SEM1: variants seen among roughly 807,000 people sequenced by gnomAD.
SEM1 encodes 26S proteasome complex subunit SEM1.
Under a neutral mutation model 12.7 loss-of-function variants are expected in SEM1, and 3 were observed. That is an observed-to-expected ratio of 0.24 (90% CI 0.11 to 0.61). The LOEUF is 0.61. Ranked by LOEUF, SEM1 falls within the 20% of genes least tolerant of loss-of-function variation. The probability of loss-of-function intolerance (pLI) is 0.88; values close to 1 mark genes in which losing one functional copy is unlikely to be tolerated. For synonymous variants in SEM1, 30 were observed against 27.8 expected (o/e 1.08, Z -0.25); for missense variants, 59 against 81.3 (o/e 0.73, Z 1.06).
At chr7:96,525,977 G>A (rs7784289) in intron 2 of SEM1, among the ~76,000 whole-genome samples, 47,564 of 151,912 alleles carry the variant, frequency 0.31, 8,678 homozygotes, top group East Asian at 0.67. Context: ...GCTGTAAAGT[G>A]CACAATGCAA....
intron 2 of SEM1, among the ~76,000 whole-genome samples, chr7:96,547,393 T>G (rs1267861125): frequency 6.6e-6 from 1 of 152,180 alleles, no homozygotes; most frequent in Non-Finnish European, 1.5e-5. Flanking sequence ...TAGAGTATTG[T>G]GGTCAGTTTA....
intron 2 of SEM1, among the ~76,000 whole-genome samples, chr7:96,570,136 C>T (rs1161485983): frequency 6.6e-6 from 1 of 151,386 alleles, no homozygotes; most frequent in Non-Finnish European, 1.5e-5. Flanking sequence ...ATCTGCATTC[C>T]CACCAAGAGA....
At chr7:96,699,983 A>G (rs1467141424) in intron 1 of SEM1, among the ~76,000 whole-genome samples, 2 of 152,338 alleles carry the variant, frequency 1.3e-5, no homozygotes, top group Middle Eastern at 3.4e-3. Flanking sequence ...ATTTGCTTCA[A>G]GACAGCCTCT....
intron 2 of SEM1, among the ~76,000 whole-genome samples, chr7:96,679,336 C>T (rs547917266): frequency 6.6e-6 from 1 of 152,064 alleles, no homozygotes; most frequent in Admixed American, 6.6e-5. Flanking sequence ...ATCCTATTAA[C>T]TTGGACCATG....
chr7:96,627,801 A>T (rs1324268271), intron 2 of SEM1, among the ~76,000 whole-genome samples: 1 of 152,058 alleles, frequency 6.6e-6, no homozygotes, highest in Non-Finnish European at 1.5e-5. Context: ...TATAGTAAAA[A>T]TTAAGTCCAA....
chr7:96,617,922 G>T (rs992826927), downstream of SEM1, among the ~76,000 whole-genome samples: 2 of 152,012 alleles, frequency 1.3e-5, no homozygotes, highest in Admixed American at 6.6e-5. Context: ...TGTTGGATTC[G>T]AATTGCTAGT....
At chr7:96,619,364 G>C (rs1042345647), downstream of SEM1, among the ~76,000 whole-genome samples, 17 of 152,100 alleles carry the variant, frequency 1.1e-4, no homozygotes, top group African/African-American at 4.1e-4. Context: ...GCGGTACACA[G>C]GATCAGTGGT....
chr7:96,615,741 G>A (rs1807698320), intron 2 of SEM1, among the ~76,000 whole-genome samples: 1 of 152,026 alleles, frequency 6.6e-6, no homozygotes, highest in Non-Finnish European at 1.5e-5. Context: ...TCCTCAACTC[G>A]CTCCCACCTT....
exon 2 of SEM1, chr7:96,486,280 A>T (rs573634768): frequency 6.5e-7 from 1 of 1,536,538 alleles, no homozygotes; most frequent in African/African-American, 1.4e-5. Context: ...CAAAGGCCGG[A>T]TGCTTACTCT....
chr7:96,504,219 T>C (rs7781370), intron 3 of SEM1, among the ~76,000 whole-genome samples: 109,264 of 151,952 alleles, frequency 0.72, 39,768 homozygotes, highest in East Asian at 0.87. Context: ...AAGTACAGTT[T>C]CTGGAATTTA....
At chr7:96,589,895 G>GA (rs1409341565) in intron 2 of SEM1, among the ~76,000 whole-genome samples, 1 of 152,124 alleles carries the variant, frequency 6.6e-6, no homozygotes, top group African/African-American at 2.4e-5. Flanking sequence ...TTGAGTAATG[G>GA]AAAGTGTTTT....
chr7:96,485,021 G>GCTATATA (rs1269570325), intron 2 of SEM1, among the ~76,000 whole-genome samples: 1 of 152,174 alleles, frequency 6.6e-6, no homozygotes, highest in Non-Finnish European at 1.5e-5. Context: ...TGACATGGGT[G>GCTATATA]CTGCCAAAGT....
Position 96,704,012 on chromosome 7 carries a change from TAC to T in SEM1, c.76+5674_76+5675del, listed in dbSNP as rs1252378655. ...ACACACACACACACACACACACACA[TAC>T]ATAAAAGAACCAAAGAAAAAACCCT... On this transcript the variant is annotated intron_variant, in intron 1 of 2. Transcript: ENST00000248566. Among the ~76,000 whole-genome samples the T allele has an allele frequency of 5.9e-5, 5 of 85,334 alleles. No homozygotes were observed. In the South Asian group the frequency reaches 1.8e-3, roughly 30 times the overall value. The allele number at this position is 85,334 out of a possible 152,430, so 56.0% of individuals were successfully genotyped here.
chr7:96,658,192 C>T (rs1809245310), intron 2 of SEM1, among the ~76,000 whole-genome samples: 1 of 152,004 alleles, frequency 6.6e-6, no homozygotes, highest in Non-Finnish European at 1.5e-5. Flanking sequence ...CTGCAGGGCC[C>T]AGGGACTGCC....
chr7:96,556,880 TTGC>T (rs999851671), intron 2 of SEM1, among the ~76,000 whole-genome samples: 4 of 135,222 alleles, frequency 3.0e-5, no homozygotes, highest in Non-Finnish European at 4.8e-5. Context: ...CTTGGAGGCT[TTGC>T]TCATTTCTTT....
At chr7:96,534,741 T>C (rs1232684246) in intron 2 of SEM1, among the ~76,000 whole-genome samples, 1 of 152,058 alleles carries the variant, frequency 6.6e-6, no homozygotes, top group Non-Finnish European at 1.5e-5. Context: ...GAAGCAAATG[T>C]GAGAATCCAC....
chr7:96,483,948 A>T (rs1487166527), exon 4 of SEM1: 7 of 1,535,498 alleles, frequency 4.6e-6, no homozygotes, highest in Non-Finnish European at 5.2e-6. Flanking sequence ...TGCACCAAGG[A>T]TGGTGGGGGG....
intron 2 of SEM1, chr7:96,664,374 T>C (rs1009454366): frequency 1.3e-5 from 2 of 152,194 alleles, no homozygotes; most frequent in African/African-American, 4.8e-5. Context: ...TTATTCACCA[T>C]AACATGAGGG....
intron 1 of SEM1, among the ~76,000 whole-genome samples, chr7:96,486,948 T>C (rs1440667525): frequency 6.6e-6 from 1 of 152,174 alleles, no homozygotes; most frequent in African/African-American, 2.4e-5. Flanking sequence ...TGTGCCTGCC[T>C]TATGTTCTTA....
Sources: allele counts gnomAD v4.1 joint callset (sites outside exome capture counted in the v4.1 genomes callset), GRCh38; gene constraint gnomAD v4.1.1; transcripts MANE v1.5; gene names NCBI Gene and HGNC (gene_info 2026-07-23, HGNC 2026-07-21).